KCNH8: variants seen among roughly 807,000 people sequenced by gnomAD.
The protein encoded by KCNH8 is voltage-gated delayed rectifier potassium channel KCNH8.
A neutral mutation model predicts 103.6 loss-of-function variants in KCNH8; 70 were observed. The observed-to-expected ratio is 0.68, with a 90% CI of 0.56 to 0.82. KCNH8 has a LOEUF of 0.82. KCNH8 is among the 40% of genes least tolerant of loss of function. The pLI, the probability that KCNH8 is intolerant of heterozygous loss-of-function variation, is 0.00. For synonymous variants in KCNH8, 498 were observed against 489.4 expected (o/e 1.02, Z -0.23); for missense variants, 1,217 against 1,329.9 (o/e 0.92, Z 1.32).
chr3:19,378,385 A>T (rs918910553), intron 5 of KCNH8, among the ~76,000 whole-genome samples: 3 of 152,184 alleles, frequency 2.0e-5, no homozygotes, highest in African/African-American at 7.2e-5. Context: ...TGTACAATAG[A>T]GTTGCATTAC....
At chr3:19,178,570 A>G (rs1047700272) in intron 1 of KCNH8, among the ~76,000 whole-genome samples, 1 of 152,146 alleles carries the variant, frequency 6.6e-6, no homozygotes, top group African/African-American at 2.4e-5. Context: ...AGCCTGCTTC[A>G]TAAGGGGAAT....
At chr3:19,381,046 A>G (rs1382592109) in intron 5 of KCNH8, among the ~76,000 whole-genome samples, 1 of 152,084 alleles carries the variant, frequency 6.6e-6, no homozygotes, top group African/African-American at 2.4e-5. Context: ...AACACCTCGT[A>G]TTTATAACTA....
At chr3:19,256,619 A>AT (rs2064350054) in intron 2 of KCNH8, among the ~76,000 whole-genome samples, 1 of 151,828 alleles carries the variant, frequency 6.6e-6, no homozygotes, top group Non-Finnish European at 1.5e-5. Context: ...CTATATGAGT[A>AT]TTTTTCTTTT....
chr3:19,280,770 C>A (rs1022369432), intron 2 of KCNH8, among the ~76,000 whole-genome samples: 2 of 152,010 alleles, frequency 1.3e-5, no homozygotes, highest in African/African-American at 4.8e-5. Flanking sequence ...TTCTGTTGGG[C>A]AAGCTTTGAT....
At chr3:19,459,271 G>GT (rs1325230104) in intron 11 of KCNH8, among the ~76,000 whole-genome samples, 18 of 150,720 alleles carry the variant, frequency 1.2e-4, no homozygotes, top group East Asian at 3.9e-4. Flanking sequence ...CTTTGTTGTT[G>GT]TTTTTTTTAA....
chr3:19,514,242 ATTAT>A (rs148418997), intron 13 of KCNH8, among the ~76,000 whole-genome samples: 2,923 of 152,098 alleles, frequency 0.019, 106 homozygotes, highest in African/African-American at 0.067. Context: ...CTATATTTTT[ATTAT>A]TTATTTGAAC....
At chr3:19,419,145 T>C (rs966920060) in intron 7 of KCNH8, among the ~76,000 whole-genome samples, 1 of 152,016 alleles carries the variant, frequency 6.6e-6, no homozygotes, top group African/African-American at 2.4e-5. Context: ...TTGCTTTGTA[T>C]TTAGGATTTT....
intron 1 of KCNH8, among the ~76,000 whole-genome samples, chr3:19,226,830 G>A (rs906422367): frequency 6.6e-6 from 1 of 152,108 alleles, no homozygotes; most frequent in African/African-American, 2.4e-5. Context: ...ATCTTAAAAT[G>A]TTTCCAAAAG....
intron 15 of KCNH8, among the ~76,000 whole-genome samples, chr3:19,528,239 AG>A (rs1332695729): frequency 6.6e-6 from 1 of 152,108 alleles, no homozygotes; most frequent in Non-Finnish European, 1.5e-5. Context: ...AGAAGCAATC[AG>A]GGATGCAAAA....
chr3:19,183,870 A>G (rs1386975802), intron 1 of KCNH8, among the ~76,000 whole-genome samples: 2 of 152,174 alleles, frequency 1.3e-5, no homozygotes, highest in Non-Finnish European at 2.9e-5. Context: ...AAACAGGGAA[A>G]TGCACACTAA....
intron 1 of KCNH8, among the ~76,000 whole-genome samples, chr3:19,236,882 A>G (rs1455987805): frequency 6.6e-6 from 1 of 152,234 alleles, no homozygotes; most frequent in Non-Finnish European, 1.5e-5. Flanking sequence ...TTTTAATGCC[A>G]TTGTCAAAAA....
chr3:19,373,556 C>T (rs1232517012), intron 5 of KCNH8, among the ~76,000 whole-genome samples: 3 of 151,988 alleles, frequency 2.0e-5, no homozygotes, highest in Admixed American at 6.6e-5. Flanking sequence ...CTTTCAAAAA[C>T]CAGCTCCTGG....
intron 11 of KCNH8, among the ~76,000 whole-genome samples, chr3:19,468,129 A>C (rs1324809079): frequency 2.0e-5 from 3 of 152,130 alleles, no homozygotes; most frequent in African/African-American, 4.8e-5. Flanking sequence ...AGCAGGATCT[A>C]ATATTATTTT....
At position 19,489,004 on chromosome 3, in the gene KCNH8, C is replaced by G. The variant is rs755159612; in HGVS notation, c.2041-21359C>G. 1.1e-3 allele frequency among the ~76,000 whole-genome samples: 166 copies of G among 152,160 alleles called. 3 individuals carry two copies. Among genetic ancestry groups the G allele is most frequent in the Admixed American group, 0.011 (164 of 15,284 alleles). ...GGTCAGCAGAGGTGAAAGGTTGATA[C>G]AAAGGCACGCCTTTCCACCATGTGT... On this transcript the variant is annotated intron_variant, in intron 11 of 15. Transcript: ENST00000328405.
At chr3:19,234,698 A>G (rs1393255518) in intron 1 of KCNH8, among the ~76,000 whole-genome samples, 1 of 152,218 alleles carries the variant, frequency 6.6e-6, no homozygotes, top group Non-Finnish European at 1.5e-5. Flanking sequence ...TCCACAGTGC[A>G]GCGGCGGGCT....
At chr3:19,297,256 A>G (rs977444221) in intron 3 of KCNH8, among the ~76,000 whole-genome samples, 1 of 152,186 alleles carries the variant, frequency 6.6e-6, no homozygotes, top group Non-Finnish European at 1.5e-5. Context: ...TCCCGATTTG[A>G]TTTTTTAAGT....
At chr3:19,516,590 G>C (rs1388513069) in intron 14 of KCNH8, among the ~76,000 whole-genome samples, 2 of 152,018 alleles carry the variant, frequency 1.3e-5, no homozygotes, top group Non-Finnish European at 2.9e-5. Context: ...GGTTCAACTA[G>C]AGACAGTGCA....
chr3:19,259,074 G>A (rs1295656137), intron 2 of KCNH8, among the ~76,000 whole-genome samples: 1 of 149,442 alleles, frequency 6.7e-6, no homozygotes, highest in East Asian at 2.0e-4. Flanking sequence ...TATTTTAAAA[G>A]AGAATCTTGA....
chr3:19,378,638 T>C (rs1018038875), intron 5 of KCNH8, among the ~76,000 whole-genome samples: 1 of 152,240 alleles, frequency 6.6e-6, no homozygotes, highest in African/African-American at 2.4e-5. Context: ...CCACTGGATA[T>C]AAGTCAATCA....
Sources: gnomAD v4.1 joint callset for allele counts (sites outside exome capture counted in the v4.1 genomes callset) on GRCh38, gnomAD v4.1.1 for gene constraint, MANE v1.5 for transcripts, NCBI Gene and HGNC (gene_info 2026-07-23, HGNC 2026-07-21) for gene names.